SSR1: variants seen among roughly 807,000 people sequenced by gnomAD.
SSR1 encodes the protein translocon-associated protein subunit alpha.
SSR1 carries 13 observed loss-of-function variants against 36.1 expected under a neutral mutation model. The ratio of observed to expected loss-of-function variants is 0.36; its 90% CI spans 0.23 to 0.57. SSR1 has a LOEUF of 0.57. Ranked by LOEUF, SSR1 falls within the 20% of genes least tolerant of loss-of-function variation. SSR1 has a pLI of 0.81. For missense variants in SSR1, 291 were observed against 338.5 expected, an observed-to-expected ratio of 0.86 and a Z score of 1.10; for synonymous variants, 113 against 118.9, an observed-to-expected ratio of 0.95 and a Z score of 0.32.
chr6:7,293,987 T>C (rs928032941), intron 7 of SSR1, among the ~76,000 whole-genome samples: 1 of 152,218 alleles, frequency 6.6e-6, no homozygotes, highest in African/African-American at 2.4e-5. Context: ...ACTACCTTTT[T>C]TTCCCCTTTT....
chr6:7,303,658 G>A (rs1224964852), intron 2 of SSR1, 21 bp from the exon 3 acceptor site: 1 of 1,555,244 alleles, frequency 6.4e-7, no homozygotes, highest in Admixed American at 1.8e-5. Flanking sequence ...GAACAATTAA[G>A]AGGAGATTAC....
chr6:7,300,693 A>T (rs1262715332), intron 4 of SSR1, among the ~76,000 whole-genome samples: 1 of 152,152 alleles, frequency 6.6e-6, no homozygotes, highest in East Asian at 1.9e-4. Context: ...CCCAGGCTGG[A>T]GTACAATGGT....
intron 7 of SSR1, chr6:7,294,997 T>C (rs1757761589): frequency 1.7e-6 from 2 of 1,191,476 alleles, no homozygotes; most frequent in African/African-American, 1.6e-5. Flanking sequence ...AATTGTTCCA[T>C]TACTCATTAA....
chr6:7,297,182 G>A (rs1249690657), intron 6 of SSR1: 4 of 223,314 alleles, frequency 1.8e-5, no homozygotes, highest in Non-Finnish European at 3.4e-5. Flanking sequence ...TTGTGCCACT[G>A]CACTCCATCC....
intron 5 of SSR1, 47 bp downstream of exon 5, chr6:7,298,700 T>G (rs373439186): frequency 8.4e-6 from 12 of 1,431,604 alleles, no homozygotes; most frequent in Non-Finnish European, 1.2e-5. Context: ...TTTCCAGTCT[T>G]ACTTTACGAG....
rs551863755 is a variant in SSR1 at position 7,299,675 on chromosome 6, C to T, written c.544-852G>A. On this transcript the variant is annotated intron_variant, in intron 4 of 7. Transcript: ENST00000244763. ...ATCACTCCAGCCTGAGCAACAAGAG[C>T]GAAACTCCCACCTCAAAAAAAAAAA... Among the ~76,000 whole-genome samples the T allele has an allele frequency of 1.8e-3, 259 of 145,872 alleles. 1 individual carries two copies. Among genetic ancestry groups the T allele is most frequent in the African/African-American group, 6.1e-3 (241 of 39,390 alleles).
At chr6:7,294,227 C>A (rs1375846402) in intron 7 of SSR1, among the ~76,000 whole-genome samples, 1 of 148,638 alleles carries the variant, frequency 6.7e-6, no homozygotes, top group Non-Finnish European at 1.5e-5. Context: ...TGTAAAAAAA[C>A]AGTTTAGTAA....
chr6:7,298,267 C>T (rs965224316), intron 5 of SSR1, among the ~76,000 whole-genome samples: 1 of 152,078 alleles, frequency 6.6e-6, no homozygotes, highest in Non-Finnish European at 1.5e-5. Flanking sequence ...AAAATAATTG[C>T]ATTAGCTTTC....
At chr6:7,292,387 A>G (rs143155636) in intron 7 of SSR1, among the ~76,000 whole-genome samples, 3 of 151,772 alleles carry the variant, frequency 2.0e-5, no homozygotes, top group African/African-American at 7.3e-5. Context: ...AACCCCATCT[A>G]CTCCACCTGT....
intron 6 of SSR1, 129 bp downstream of exon 6, chr6:7,297,794 A>T (rs1757835339): frequency 1.6e-6 from 1 of 610,398 alleles, no homozygotes; most frequent in Non-Finnish European, 2.8e-6. Context: ...GTTTTATTTT[A>T]AAAAGGTACA....
In SSR1 at chr6:7,285,678, CAA is replaced by C. The variant is rs61210009; in HGVS notation, c.*4184_*4185del. The C allele has an allele frequency of 1.2e-4, 17 of 139,120 alleles. No homozygotes were observed. The highest frequency in any genetic ancestry group is 2.0e-4 in the East Asian group (1 of 4,970). The allele number at this position is 139,120 out of a possible 1,614,324, so 8.6% of individuals were successfully genotyped here. A position where few individuals can be genotyped will look rare whatever the true frequency, so the allele number is the denominator to read the frequency against. On this transcript the variant is annotated 3_prime_UTR_variant, in exon 8 of 8. Transcript: ENST00000244763. The surrounding 1 kb of genome is among the most constrained non-coding windows in gnomAD (Gnocchi z 4.1). Reference sequence around the variant, plus strand: ...TGGGCAATACAGTGAGACCCCATGTCAAAAAAAAAAAGAAAAAGAAAAAGAAA... The same window carrying C: ...TGGGCAATACAGTGAGACCCCATGTCAAAAAAAAAGAAAAAGAAAAAGAAA...
At chr6:7,295,180 A>C in intron 7 of SSR1, 1 of 1,440,994 alleles carries the variant, frequency 6.9e-7, no homozygotes, top group South Asian at 1.3e-5. Context: ...TAAGCTGCAG[A>C]TCTGGAAGAA....
At chr6:7,293,720 T>C (rs560546536) in intron 7 of SSR1, among the ~76,000 whole-genome samples, 191 of 152,278 alleles carry the variant, frequency 1.3e-3, no homozygotes, top group Non-Finnish European at 2.2e-3. Flanking sequence ...GGCCAAATAT[T>C]GTATTTTTTA....
chr6:7,294,969 A>C (rs1757761246), intron 7 of SSR1: 2 of 894,114 alleles, frequency 2.2e-6, no homozygotes, highest in South Asian at 2.2e-5. Context: ...AGTTTTTCTA[A>C]TAAAATGTAG....
chr6:7,305,061 G>A (rs575424557), intron 2 of SSR1, among the ~76,000 whole-genome samples: 5 of 152,198 alleles, frequency 3.3e-5, no homozygotes, highest in African/African-American at 1.2e-4. Context: ...AGTAGGAAAA[G>A]AGAACAGAGA....
chr6:7,308,742 C>G (rs1181511699), intron 2 of SSR1, among the ~76,000 whole-genome samples: 3 of 122,938 alleles, frequency 2.4e-5, no homozygotes, highest in Admixed American at 1.4e-4. Flanking sequence ...ACACATATAA[C>G]TGCCCCAAAA....
chr6:7,312,994 T>A (rs911972367), intron 1 of SSR1, 48 bp downstream of exon 1: 1 of 1,549,680 alleles, frequency 6.5e-7, no homozygotes, highest in Non-Finnish European at 8.7e-7. Flanking sequence ...TTGCCATCAC[T>A]GGCATCTCCT....
At chr6:7,296,672 G>A (rs906140701) in intron 6 of SSR1, among the ~76,000 whole-genome samples, 8 of 141,550 alleles carry the variant, frequency 5.7e-5, no homozygotes, top group Admixed American at 5.6e-4. Context: ...GAGGGTGAGT[G>A]AGGGAAGGAA....
At chr6:7,312,299 T>G (rs1758213033) in intron 1 of SSR1, among the ~76,000 whole-genome samples, 1 of 152,178 alleles carries the variant, frequency 6.6e-6, no homozygotes, top group African/African-American at 2.4e-5. Context: ...GTAGGCCACA[T>G]TTTTTCAGCA....
Sources: gnomAD v4.1 joint callset for allele counts (sites outside exome capture counted in the v4.1 genomes callset) on GRCh38, gnomAD v4.1.1 for gene constraint, Gnocchi (gnomAD v3.1) non-coding constraint, MANE v1.5 for transcripts, NCBI Gene and HGNC (gene_info 2026-07-23, HGNC 2026-07-21) for gene names.